The following SLFN5 variants were observed in gnomAD, a reference collection of about 807,000 sequenced individuals.
The protein encoded by SLFN5 is schlafen family member 5.
A neutral mutation model predicts 48.5 loss-of-function variants in SLFN5; 34 were observed. That is an observed-to-expected ratio of 0.70 (90% CI 0.53 to 0.93). The LOEUF is 0.93. Among genes scored for constraint, SLFN5 ranks in the 40% least tolerant of loss-of-function variants. SLFN5 has a pLI of 0.00. For missense variants in SLFN5, 1,006 were observed against 1,071.3 expected (o/e 0.94, Z 0.85); for synonymous variants, 387 against 396.2 (o/e 0.98, Z 0.28).
intron 2 of SLFN5, 128 bp from the exon 3 acceptor site, chr17:35,260,843 T>G (rs755174164): frequency 6.7e-6 from 8 of 1,187,826 alleles, no homozygotes; most frequent in Non-Finnish European, 6.8e-6. Context: ...TGACCTGAGA[T>G]GTAAAGGCAA....
chr17:35,265,403 C>CAA lies in SLFN5; in HGVS notation c.2194_2195dup (p.Asn732LysfsTer13). The CAA allele has an allele frequency of 1.2e-6, 2 of 1,614,224 alleles. No individual in the cohort carries two copies. Among genetic ancestry groups the CAA allele is most frequent in the Non-Finnish European group, 1.7e-6 (2 of 1,180,042 alleles). On this transcript the variant is annotated frameshift_variant, in exon 5 of 5. Transcript: ENST00000299977. LOFTEE classifies it low-confidence loss of function (END_TRUNC). ...ACAACAAGTAATGCAGGAAGCCCGACAAAATCCTCCACCTAACCTCCCCCC... is the reference window on the plus strand; with the variant it reads ...ACAACAAGTAATGCAGGAAGCCCGACAAAAAATCCTCCACCTAACCTCCCCCC...
chr17:35,243,914 A>T (rs111823718), intron 1 of SLFN5, among the ~76,000 whole-genome samples: 1 of 152,182 alleles, frequency 6.6e-6, no homozygotes, highest in Non-Finnish European at 1.5e-5. Flanking sequence ...AGATCTCTCA[A>T]ATCCACCCTA....
chr17:35,262,076 T>C (rs530973076), intron 3 of SLFN5, among the ~76,000 whole-genome samples: 14 of 152,196 alleles, frequency 9.2e-5, no homozygotes, highest in Admixed American at 5.9e-4. Flanking sequence ...TGAGGTGTTC[T>C]TTAAGGATAA....
intron 2 of SLFN5, among the ~76,000 whole-genome samples, chr17:35,260,553 C>T (rs1162656603): frequency 1.3e-5 from 2 of 152,004 alleles, no homozygotes; most frequent in Non-Finnish European, 2.9e-5. Context: ...GGTGAAACTC[C>T]GTCTCTACCA....
At position 35,266,142 on chromosome 17, in the gene SLFN5, A is replaced by ATGTGTG. The variant is rs58644233; in HGVS notation, c.*285_*290dup. Reference sequence around the variant, plus strand: ...AATTAGAGGACCGTGAGACTCAGAGATGTGTGTGTGTGTGTGTGTGTGTGT... The same window carrying ATGTGTG: ...AATTAGAGGACCGTGAGACTCAGAGATGTGTGTGTGTGTGTGTGTGTGTGTGTGTGT... On this transcript the variant is annotated 3_prime_UTR_variant, in exon 5 of 5. Coordinates refer to ENST00000299977, the MANE Select transcript of SLFN5 (RefSeq NM_144975.4). 195 of 240,382 alleles carry ATGTGTG rather than the reference A, an allele frequency of 8.1e-4. No individual in the cohort carries two copies. The highest frequency in any genetic ancestry group is 1.5e-3 in the Middle Eastern group (1 of 664). 14.9% of individuals were successfully genotyped at this position (240,382 alleles called of 1,614,324 possible). A position where few individuals can be genotyped will look rare whatever the true frequency, so the allele number is the denominator to read the frequency against.
At chr17:35,252,993 G>A (rs1265287754) in intron 1 of SLFN5, among the ~76,000 whole-genome samples, 1 of 151,710 alleles carries the variant, frequency 6.6e-6, no homozygotes, top group African/African-American at 2.4e-5. Flanking sequence ...AGTCAATTTG[G>A]GCTGCTGTAA....
At chr17:35,252,534 G>GA (rs2092444776) in intron 1 of SLFN5, among the ~76,000 whole-genome samples, 1 of 152,026 alleles carries the variant, frequency 6.6e-6, no homozygotes, top group South Asian at 2.1e-4. Context: ...TTCCTCTATA[G>GA]ATAATGTGCC....
intron 1 of SLFN5, among the ~76,000 whole-genome samples, chr17:35,251,703 CTTTTTTT>C (rs34854448): frequency 5.9e-5 from 5 of 84,970 alleles, no homozygotes; most frequent in Non-Finnish European, 8.8e-5. Flanking sequence ...GGCGCCCGGA[CTTTTTTT>C]TTTTTTTTTT....
intron 1 of SLFN5, among the ~76,000 whole-genome samples, chr17:35,245,767 T>C (rs911440477): frequency 6.6e-6 from 1 of 152,186 alleles, no homozygotes; most frequent in African/African-American, 2.4e-5. Context: ...TTCCAGTCTA[T>C]GTCTTTCACA....
chr17:35,249,256 C>G (rs1044723885), intron 1 of SLFN5, among the ~76,000 whole-genome samples: 10 of 152,194 alleles, frequency 6.6e-5, no homozygotes, highest in African/African-American at 2.4e-4. Flanking sequence ...TTTGAAAGAG[C>G]TTTAGAACTA....
In SLFN5 at chr17:35,268,068, G is replaced by C. The variant is rs1037783284; in HGVS notation, c.*2180G>C. 4 of 152,184 alleles carry C rather than the reference G, an allele frequency of 2.6e-5. No homozygotes were observed. Among genetic ancestry groups the C allele is most frequent in the African/African-American group, 9.7e-5 (4 of 41,426 alleles). 9.4% of individuals were successfully genotyped at this position (152,184 alleles called of 1,614,324 possible). ...ATGGAATTCAGTGGATTTAATGGAAGTTCCTAGGCAACAATAAAGAGTAGA... is the reference window on the plus strand; with the variant it reads ...ATGGAATTCAGTGGATTTAATGGAACTTCCTAGGCAACAATAAAGAGTAGA... On this transcript the variant is annotated 3_prime_UTR_variant, in exon 5 of 5. Transcript: ENST00000299977.
intron 1 of SLFN5, among the ~76,000 whole-genome samples, chr17:35,250,226 C>A (rs572172781): frequency 3.3e-5 from 5 of 152,178 alleles, no homozygotes; most frequent in Non-Finnish European, 5.9e-5. Flanking sequence ...TAGAAATTTT[C>A]TCTGCCTTTT....
chr17:35,256,759 TA>T (rs1904354995), intron 1 of SLFN5, among the ~76,000 whole-genome samples: 1 of 152,146 alleles, frequency 6.6e-6, no homozygotes, highest in African/African-American at 2.4e-5. Context: ...AATCAGGTCA[TA>T]AAAAGCCTCT....
intron 3 of SLFN5, 90 bp from the exon 4 acceptor site, chr17:35,264,093 T>C (rs1238524543): frequency 7.0e-7 from 1 of 1,433,156 alleles, no homozygotes; most frequent in Non-Finnish European, 9.3e-7. Flanking sequence ...CATAGTAGAG[T>C]CCCAGTGTTG....
At chr17:35,263,917 T>C (rs1904596243) in intron 3 of SLFN5, among the ~76,000 whole-genome samples, 2 of 152,172 alleles carry the variant, frequency 1.3e-5, no homozygotes, top group Non-Finnish European at 2.9e-5. Context: ...CTTTCCTAAA[T>C]TGTACCTTTC....
chr17:35,261,769 G>A (rs1160492507), intron 3 of SLFN5, among the ~76,000 whole-genome samples: 1 of 146,746 alleles, frequency 6.8e-6, no homozygotes, highest in Non-Finnish European at 1.5e-5. Flanking sequence ...TTCACCTCCC[G>A]GGTTCAAGCA....
rs771943170 is a variant in SLFN5, at chr17:35,265,626, A to G, written c.2414A>G (p.Asp805Gly). The G allele has an allele frequency of 6.2e-7, 1 of 1,614,190 alleles. No individual in the cohort carries two copies. The highest frequency in any genetic ancestry group is 2.2e-5 in the East Asian group (1 of 44,884). ...GCAAGTGAAGTGGAAAAATATAAAG[A>G]CAGGCTTCTAACAGCAATGAGGAAG... ...TKASEVEKYK[D>G]RLLTAMRKRK... The change falls in exon 5 of 5, where the codon GAC becomes GGC. Residue 805 changes from aspartate (D) to glycine (G), a missense_variant. Coordinates refer to ENST00000299977, the MANE Select transcript of SLFN5 (RefSeq NM_144975.4).
chr17:35,250,483 G>A (rs1003366850), intron 1 of SLFN5, among the ~76,000 whole-genome samples: 1 of 151,888 alleles, frequency 6.6e-6, no homozygotes, highest in African/African-American at 2.4e-5. Flanking sequence ...GGTGAAACCC[G>A]GTCTCTACTA....
At position 35,268,167 on chromosome 17, in the gene SLFN5, A is replaced by ACCCAGGC. The variant is rs1019278643; in HGVS notation, c.*2281_*2287dup. 6.6e-6 allele frequency: 1 copy of ACCCAGGC among 152,204 alleles called. No homozygotes were observed. The highest frequency in any genetic ancestry group is 1.5e-5 in the Non-Finnish European group (1 of 68,096). The allele number at this position is 152,204 out of a possible 1,614,324, so 9.4% of individuals were successfully genotyped here. ...TACACAAAAGTAGATGGAAGACACC[A>ACCCAGGC]CCCAGGCCTCCAGCTATACACTGGA... On this transcript the variant is annotated 3_prime_UTR_variant, in exon 5 of 5. Transcript: ENST00000299977.
Sources: gnomAD v4.1 joint callset for allele counts (sites outside exome capture counted in the v4.1 genomes callset) on GRCh38, gnomAD v4.1.1 for gene constraint, MANE v1.5 for transcripts, NCBI Gene and HGNC (gene_info 2026-07-23, HGNC 2026-07-21) for gene names.